VPS13B: variants seen among roughly 807,000 people sequenced by gnomAD.
VPS13B encodes vacuolar protein sorting 13 homolog B.
In VPS13B, 285 loss-of-function variants were observed where a neutral mutation model predicts 426.4. The observed-to-expected ratio is 0.67, with a 90% CI of 0.61 to 0.74. The LOEUF is 0.74. Among genes scored for constraint, VPS13B ranks in the 30% least tolerant of loss-of-function variants. The pLI, the probability that VPS13B is intolerant of heterozygous loss-of-function variation, is 0.00. For synonymous variants in VPS13B, 1,676 were observed against 1,676.4 expected (o/e 1.00, Z 0.01); for missense variants, 4,537 against 4,782.6 (o/e 0.95, Z 1.51).
At chr8:99,350,963 G>T (rs1245276904) in intron 19 of VPS13B, among the ~76,000 whole-genome samples, 1 of 151,838 alleles carries the variant, frequency 6.6e-6, no homozygotes, top group Admixed American at 6.6e-5. Context: ...TATTCAAATA[G>T]ATATCATTTT....
intron 19 of VPS13B, among the ~76,000 whole-genome samples, chr8:99,356,736 A>G (rs1340045371): frequency 1.3e-5 from 2 of 152,186 alleles, no homozygotes; most frequent in Non-Finnish European, 2.9e-5. Flanking sequence ...TAATTTTACT[A>G]CATGTACTAT....
intron 28 of VPS13B, chr8:99,507,745 C>T (rs1272848264): frequency 6.2e-7 from 1 of 1,613,786 alleles, no homozygotes; most frequent in African/African-American, 1.3e-5. Context: ...TTTTCACCTT[C>T]TTTGCTCCTG....
At chr8:99,770,927 G>A (rs1164432197) in intron 40 of VPS13B, among the ~76,000 whole-genome samples, 4 of 152,190 alleles carry the variant, frequency 2.6e-5, no homozygotes, top group South Asian at 2.1e-4. Context: ...CTAACCCTGC[G>A]AGGAACAAAA....
intron 33 of VPS13B, among the ~76,000 whole-genome samples, chr8:99,592,823 C>G (rs1826761644): frequency 6.6e-6 from 1 of 152,106 alleles, no homozygotes; most frequent in Non-Finnish European, 1.5e-5. Context: ...AAAGGACTCT[C>G]TGTTTAATAA....
At chr8:99,819,336 T>C (rs1218372451) in intron 47 of VPS13B, 76 bp from the exon 48 acceptor site, 19 of 1,514,110 alleles carry the variant, frequency 1.3e-5, no homozygotes, top group Non-Finnish European at 1.6e-5. Context: ...ACATTTGTAG[T>C]TAGATATTTT....
chr8:99,442,791 G>A (rs1004774941), intron 23 of VPS13B, among the ~76,000 whole-genome samples, 156 bp downstream of exon 23: 1 of 152,000 alleles, frequency 6.6e-6, no homozygotes, highest in African/African-American at 2.4e-5. Flanking sequence ...GCCATTTATT[G>A]CCTTCCATAC....
intron 23 of VPS13B, among the ~76,000 whole-genome samples, chr8:99,460,774 GA>G (rs1818783653): frequency 6.6e-6 from 1 of 151,946 alleles, no homozygotes; most frequent in Non-Finnish European, 1.5e-5. Context: ...AGTTTCCACT[GA>G]TAGTGTTGCT....
At chr8:99,094,879 T>C (rs1422962911) in intron 3 of VPS13B, among the ~76,000 whole-genome samples, 1 of 152,166 alleles carries the variant, frequency 6.6e-6, no homozygotes, top group Non-Finnish European at 1.5e-5. Context: ...TGGTGCGCAA[T>C]GCACTCTCAG....
intron 25 of VPS13B, among the ~76,000 whole-genome samples, chr8:99,488,271 T>G (rs1820410945): frequency 6.6e-6 from 1 of 152,128 alleles, no homozygotes; most frequent in African/African-American, 2.4e-5. Flanking sequence ...TTTCAAAATT[T>G]TGGCAGAAAA....
At chr8:99,033,684 T>A (rs1168394160) in intron 2 of VPS13B, among the ~76,000 whole-genome samples, 1 of 151,956 alleles carries the variant, frequency 6.6e-6, no homozygotes, top group African/African-American at 2.4e-5. Flanking sequence ...TCACTTGAGG[T>A]CAGGAGTTCA....
intron 19 of VPS13B, among the ~76,000 whole-genome samples, chr8:99,351,435 AGT>A (rs1024531389): frequency 3.0e-4 from 44 of 145,744 alleles, no homozygotes; most frequent in East Asian, 8.0e-4. Context: ...AGAGAGAGAG[AGT>A]GTGTGTGTGT....
chr8:99,144,093 G>C (rs942649023), intron 13 of VPS13B, among the ~76,000 whole-genome samples: 2 of 152,094 alleles, frequency 1.3e-5, no homozygotes, highest in Admixed American at 1.3e-4. Context: ...GATTAAAGCT[G>C]CATGCTGAGG....
At chr8:99,847,830 T>C (rs1816059353) in intron 54 of VPS13B, among the ~76,000 whole-genome samples, 1 of 152,228 alleles carries the variant, frequency 6.6e-6, no homozygotes. Context: ...CTTCATGTGA[T>C]CAAAATTAGA....
chr8:99,207,938 G>T (rs1814822729), intron 17 of VPS13B, among the ~76,000 whole-genome samples: 1 of 152,176 alleles, frequency 6.6e-6, no homozygotes, highest in Non-Finnish European at 1.5e-5. Flanking sequence ...AGAATCTTCT[G>T]TGTCACCTAT....
chr8:99,809,568 A>G lies in VPS13B; in HGVS notation c.8097+38A>G, dbSNP rs193242033. The stretch of plus-strand genomic sequence containing the variant: ...GTGTTCATGACCCAGACACCTCTTA[A>G]TTATTCAGTGTAATGGAGATGAAAA... On this transcript the variant is annotated intron_variant, in intron 44 of 61. Transcript: ENST00000357162. The G allele has an allele frequency of 8.1e-6, 13 of 1,612,676 alleles. No homozygotes were observed. In the African/African-American group the frequency reaches 1.3e-4, roughly 17 times the overall value.
intron 34 of VPS13B, among the ~76,000 whole-genome samples, chr8:99,660,971 CT>C (rs1277333803): frequency 1.3e-5 from 2 of 151,772 alleles, no homozygotes; most frequent in Non-Finnish European, 2.9e-5. Flanking sequence ...AATGTATATG[CT>C]TTTTTTTAAA....
intron 17 of VPS13B, among the ~76,000 whole-genome samples, chr8:99,264,445 T>A (rs1202765474): frequency 6.6e-6 from 1 of 152,146 alleles, no homozygotes; most frequent in Admixed American, 6.5e-5. Context: ...AGGTCTGACA[T>A]GTCTGAATGA....
chr8:99,343,248 C>G (rs889288572), intron 19 of VPS13B, among the ~76,000 whole-genome samples: 1 of 152,060 alleles, frequency 6.6e-6, no homozygotes, highest in Non-Finnish European at 1.5e-5. Context: ...CACGCACCAC[C>G]ATGCCCAGCT....
chr8:99,270,855 A>G (rs1818554000), intron 17 of VPS13B, among the ~76,000 whole-genome samples: 2 of 152,194 alleles, frequency 1.3e-5, no homozygotes, highest in Non-Finnish European at 2.9e-5. Flanking sequence ...AGTGATTGGA[A>G]CAGGGTAAGT....
Sources: gnomAD v4.1 joint callset for allele counts (sites outside exome capture counted in the v4.1 genomes callset) on GRCh38, gnomAD v4.1.1 for gene constraint, MANE v1.5 for transcripts, NCBI Gene and HGNC (gene_info 2026-07-23, HGNC 2026-07-21) for gene names.